CRYBB1: variants seen among roughly 807,000 people sequenced by gnomAD.
The protein encoded by CRYBB1 is beta-crystallin B1.
In CRYBB1, 16 loss-of-function variants were observed where a neutral mutation model predicts 29.5. The ratio of observed to expected loss-of-function variants is 0.54; its 90% CI spans 0.37 to 0.82. The LOEUF is 0.82. CRYBB1 is among the 40% of genes least tolerant of loss of function. The pLI, the probability that CRYBB1 is intolerant of heterozygous loss-of-function variation, is 0.00. For synonymous variants in CRYBB1, 127 were observed against 136.7 expected (o/e 0.93, Z 0.49); for missense variants, 300 against 350.5 (o/e 0.86, Z 1.15).
chr22:26,603,170 T>C (rs1928877376), intron 4 of CRYBB1, among the ~76,000 whole-genome samples: 1 of 150,962 alleles, frequency 6.6e-6, no homozygotes. Flanking sequence ...GCCTCTGACA[T>C]TTATGCACTG....
chr22:26,612,876 T>C lies in CRYBB1; in HGVS notation c.181-686A>G, dbSNP rs545545995. On this transcript the variant is annotated intron_variant, in intron 2 of 5. Coordinates refer to ENST00000647684, the MANE Select transcript of CRYBB1 (RefSeq NM_001887.4). ...CCTTCTCCAGGAAGCCTTCTCTGATTGCCCCTTCCTCCATCGGCCTTGGTT... is the reference window on the plus strand; with the variant it reads ...CCTTCTCCAGGAAGCCTTCTCTGATCGCCCCTTCCTCCATCGGCCTTGGTT... Among the ~76,000 whole-genome samples, 6 of 152,312 alleles carry C rather than the reference T, an allele frequency of 3.9e-5. No homozygotes were observed. The East Asian group carries it at 1.2e-3, about 29-fold the overall frequency.
rs1928837624 is a variant in CRYBB1, at chr22:26,602,025, G to C, written c.433-4C>G. Reference sequence around the variant, plus strand: ...AGATTTTGTGCTCCTGGGCATCCTGGGGAAAGAGAGGCCGGGTCAGGTGTG... The same window carrying C: ...AGATTTTGTGCTCCTGGGCATCCTGCGGAAAGAGAGGCCGGGTCAGGTGTG... On this transcript the variant is annotated splice_polypyrimidine_tract_variant and splice_region_variant and intron_variant, in intron 4 of 5. Coordinates refer to ENST00000647684, the MANE Select transcript of CRYBB1 (RefSeq NM_001887.4). 6.2e-7 allele frequency: 1 copy of C among 1,613,442 alleles called. No individual in the cohort carries two copies. The highest frequency in any genetic ancestry group is 1.3e-5 in the African/African-American group (1 of 74,894).
chr22:26,599,551 C>T lies in CRYBB1; in HGVS notation c.698G>A (p.Arg233His), dbSNP rs575368335. 1.5e-5 allele frequency: 24 copies of T among 1,614,014 alleles called. No homozygotes were observed. Among genetic ancestry groups the T allele is most frequent in the Middle Eastern group, 1.7e-4 (1 of 6,004 alleles). ...CCCCTCGAGGTGCCACTGCTTGTCA[C>T]GCAGGCGACGCAGGGACTGCATCTG... ...QPQMQSLRRL[R>H]DKQWHLEGSF... The change falls in exon 6 of 6, where the codon CGT becomes CAT. Residue 233 changes from arginine (R) to histidine (H), a missense_variant. Coordinates refer to ENST00000647684, the MANE Select transcript of CRYBB1 (RefSeq NM_001887.4).
chr22:26,606,546 C>T (rs1341578774), intron 4 of CRYBB1, among the ~76,000 whole-genome samples: 3 of 152,168 alleles, frequency 2.0e-5, no homozygotes, highest in Non-Finnish European at 4.4e-5. Flanking sequence ...TCCAAACAAA[C>T]CCCTTAACAT....
intron 3 of CRYBB1, among the ~76,000 whole-genome samples, chr22:26,610,000 T>A (rs1296191131): frequency 6.6e-6 from 1 of 152,212 alleles, no homozygotes; most frequent in Non-Finnish European, 1.5e-5. Context: ...AGAAGGAAAC[T>A]GGAGGTCTAG....
At chr22:26,604,140 G>A (rs1928905383) in intron 4 of CRYBB1, among the ~76,000 whole-genome samples, 2 of 11,684 alleles carry the variant, frequency 1.7e-4, no homozygotes, top group Admixed American at 2.2e-3. Flanking sequence ...ACAGGAAATA[G>A]CAGAGTGATG....
chr22:26,608,065 TA>T (rs751955318), intron 3 of CRYBB1, 44 bp from the exon 4 acceptor site: 17 of 1,613,580 alleles, frequency 1.1e-5, no homozygotes. Flanking sequence ...GACATATGGT[TA>T]GTAGAAGCCC....
intron 4 of CRYBB1, among the ~76,000 whole-genome samples, chr22:26,607,213 G>C (rs2145963316): frequency 6.6e-6 from 1 of 151,656 alleles, no homozygotes; most frequent in Admixed American, 6.6e-5. Context: ...AGTAAAGACG[G>C]GGTTTCGTCA....
intron 4 of CRYBB1, among the ~76,000 whole-genome samples, chr22:26,604,861 G>A (rs779997845): frequency 2.0e-5 from 3 of 152,172 alleles, no homozygotes; most frequent in African/African-American, 4.8e-5. Context: ...AAGGTTGTTA[G>A]TCAATGGCTC....
chr22:26,615,486 C>G (rs1383897399), intron 2 of CRYBB1, among the ~76,000 whole-genome samples: 1 of 152,018 alleles, frequency 6.6e-6, no homozygotes, highest in Non-Finnish European at 1.5e-5. Flanking sequence ...TATTGCACAA[C>G]TCAACTATAG....
intron 4 of CRYBB1, among the ~76,000 whole-genome samples, chr22:26,603,106 A>G (rs1284704939): frequency 6.8e-6 from 1 of 147,606 alleles, no homozygotes; most frequent in African/African-American, 2.5e-5. Context: ...AACCTGGGCA[A>G]CAGAGCGAGA....
At chr22:26,605,271 A>T (rs902173543) in intron 4 of CRYBB1, among the ~76,000 whole-genome samples, 4 of 152,200 alleles carry the variant, frequency 2.6e-5, no homozygotes, top group Non-Finnish European at 5.9e-5. Context: ...TTTTATGATT[A>T]GCTTTTTGAT....
intron 3 of CRYBB1, 37 bp downstream of exon 3, chr22:26,612,035 T>A (rs757333539): frequency 2.1e-6 from 3 of 1,435,766 alleles, no homozygotes; most frequent in Non-Finnish European, 2.9e-6. Context: ...CATTTTACTG[T>A]GGCAGAGAGT....
chr22:26,615,909 G>A (rs1929335061), intron 2 of CRYBB1, among the ~76,000 whole-genome samples: 1 of 152,146 alleles, frequency 6.6e-6, no homozygotes, highest in African/African-American at 2.4e-5. Flanking sequence ...GGGAGGAGGA[G>A]GCCAAGGTGA....
intron 2 of CRYBB1, 37 bp from the exon 3 acceptor site, chr22:26,612,227 AG>A (rs750569727): frequency 7.1e-7 from 1 of 1,415,526 alleles, no homozygotes. Flanking sequence ...GGGCAGAGTG[AG>A]GGGGGAGTCA....
intron 4 of CRYBB1, 75 bp from the exon 5 acceptor site, chr22:26,602,096 G>C: frequency 1.3e-6 from 2 of 1,576,296 alleles, no homozygotes; most frequent in South Asian, 1.1e-5. Context: ...GGGGCCTTCT[G>C]GGTGTGGAGC....
intron 5 of CRYBB1, 89 bp downstream of exon 5, chr22:26,601,790 A>C: frequency 1.9e-6 from 3 of 1,594,426 alleles, no homozygotes; most frequent in Non-Finnish European, 1.7e-6. Flanking sequence ...TTCTCTAGGA[A>C]TCTGATGTTA....
At chr22:26,607,846 C>A (rs746993925) in intron 4 of CRYBB1, 43 bp downstream of exon 4, 1 of 1,613,764 alleles carries the variant, frequency 6.2e-7, no homozygotes, top group African/African-American at 1.3e-5. Flanking sequence ...CCTGCCCTGC[C>A]CCGCCTGGCT....
At chr22:26,612,256 T>A in intron 2 of CRYBB1, 66 bp from the exon 3 acceptor site, 1 of 1,080,298 alleles carries the variant, frequency 9.3e-7, no homozygotes, top group Non-Finnish European at 1.4e-6. Context: ...ATTAAGTATC[T>A]ACATAAATAA....
Sources: allele counts gnomAD v4.1 joint callset (sites outside exome capture counted in the v4.1 genomes callset), GRCh38; gene constraint gnomAD v4.1.1; transcripts MANE v1.5; gene names NCBI Gene and HGNC (gene_info 2026-07-23, HGNC 2026-07-21).